The following TMEM108 variants were observed in gnomAD, a reference collection of about 807,000 sequenced individuals.
TMEM108 encodes the protein transmembrane protein 108.
In TMEM108, 12 loss-of-function variants were observed where a neutral mutation model predicts 35.1. The observed-to-expected ratio is 0.34, with a 90% CI of 0.22 to 0.55. The LOEUF (loss-of-function observed/expected upper bound fraction) is 0.55, where lower values mean the gene tolerates loss of function less well. Ranked by LOEUF, TMEM108 falls within the 20% of genes least tolerant of loss-of-function variation. The pLI, the probability that TMEM108 is intolerant of heterozygous loss-of-function variation, is 0.89. For synonymous variants in TMEM108, 287 were observed against 308.6 expected (o/e 0.93, Z 0.73); for missense variants, 680 against 753.3 (o/e 0.90, Z 1.14).
At chr3:133,281,412 G>A (rs1382961848) in intron 3 of TMEM108, among the ~76,000 whole-genome samples, 1 of 152,230 alleles carries the variant, frequency 6.6e-6, no homozygotes, top group Non-Finnish European at 1.5e-5. Context: ...TCAAGAGTAT[G>A]CAGAGTTATA....
At chr3:133,067,297 G>A in intron 2 of TMEM108, among the ~76,000 whole-genome samples, 1 of 152,130 alleles carries the variant, frequency 6.6e-6, no homozygotes, top group Non-Finnish European at 1.5e-5. Flanking sequence ...TTGGCATTGT[G>A]TGGCTTTTTG....
chr3:133,138,484 A>T (rs796454928), intron 2 of TMEM108, among the ~76,000 whole-genome samples: 2 of 152,092 alleles, frequency 1.3e-5, no homozygotes, highest in East Asian at 3.8e-4. Context: ...TTCTTAAAAC[A>T]TTATGAGATT....
chr3:133,220,636 T>C (rs1945976177), intron 2 of TMEM108, among the ~76,000 whole-genome samples: 1 of 152,158 alleles, frequency 6.6e-6, no homozygotes, highest in South Asian at 2.1e-4. Flanking sequence ...TGACACCAAA[T>C]GTGTGAGGGT....
chr3:133,052,597 A>G (rs756077045), intron 2 of TMEM108, among the ~76,000 whole-genome samples: 5 of 149,874 alleles, frequency 3.3e-5, no homozygotes, highest in Non-Finnish European at 7.4e-5. Flanking sequence ...CCTGATCTCA[A>G]TAGGAAAACT....
chr3:133,250,863 C>G (rs1946458767), intron 3 of TMEM108, among the ~76,000 whole-genome samples: 2 of 152,116 alleles, frequency 1.3e-5, no homozygotes, highest in Admixed American at 1.3e-4. Flanking sequence ...CCTTTCAACT[C>G]TAAATTTACT....
At chr3:133,315,992 C>T (rs183971295) in intron 3 of TMEM108, among the ~76,000 whole-genome samples, 17 of 152,280 alleles carry the variant, frequency 1.1e-4, no homozygotes, top group South Asian at 1.0e-3. Context: ...GAACCAGAGA[C>T]GACTTAAAGC....
intron 3 of TMEM108, among the ~76,000 whole-genome samples, chr3:133,262,049 A>T (rs969763735): frequency 6.6e-6 from 1 of 152,202 alleles, no homozygotes; most frequent in East Asian, 1.9e-4. Context: ...CCTGCCCTTC[A>T]TAACTACATT....
intron 3 of TMEM108, among the ~76,000 whole-genome samples, chr3:133,311,480 C>A (rs557956291): frequency 6.6e-6 from 1 of 152,274 alleles, no homozygotes; most frequent in South Asian, 2.1e-4. Flanking sequence ...ATCACTGATA[C>A]CCTTTCTTCC....
At chr3:133,329,374 A>G (rs2107726047) in intron 3 of TMEM108, among the ~76,000 whole-genome samples, 1 of 152,314 alleles carries the variant, frequency 6.6e-6, no homozygotes, top group South Asian at 2.1e-4. Flanking sequence ...TTCCCTATGC[A>G]GGTGACACAT....
chr3:133,333,687 T>C (rs2071432420), intron 3 of TMEM108, among the ~76,000 whole-genome samples: 1 of 152,228 alleles, frequency 6.6e-6, no homozygotes, highest in Admixed American at 6.5e-5. Context: ...CTGTACAATT[T>C]TGTTCAAAAA....
chr3:133,353,953 T>C (rs1158743105), intron 3 of TMEM108, among the ~76,000 whole-genome samples: 1 of 152,220 alleles, frequency 6.6e-6, no homozygotes, highest in Non-Finnish European at 1.5e-5. Flanking sequence ...ATTAGTTTGC[T>C]TGTGTCCATT....
rs1472082021 is a variant in TMEM108 at position 133,309,678 on chromosome 3, GTTTCTTTTTTTTTTTTTTTTT to G, written c.41-70070_41-70050del. ...CGTGTAGTTATGCGGGTTTGAGTGAGTTTCTTTTTTTTTTTTTTTTTTTTTTTTTTTTTTTTTTTTGAGACG... is the reference window on the plus strand; with the variant it reads ...CGTGTAGTTATGCGGGTTTGAGTGAGTTTTTTTTTTTTTTTTTTTGAGACG... On this transcript the variant is annotated intron_variant, in intron 3 of 5. Transcript: ENST00000321871. Among the ~76,000 whole-genome samples, 6 of 110,984 alleles carry G rather than the reference GTTTCTTTTTTTTTTTTTTTTT, an allele frequency of 5.4e-5. No homozygotes were observed. In the East Asian group the frequency reaches 1.5e-3, roughly 28 times the overall value. 72.8% of individuals were successfully genotyped at this position (110,984 alleles called of 152,430 possible).
At chr3:133,116,496 A>G (rs1052114299) in intron 2 of TMEM108, among the ~76,000 whole-genome samples, 1 of 152,164 alleles carries the variant, frequency 6.6e-6, no homozygotes, top group Admixed American at 6.6e-5. Flanking sequence ...TTTTATTTAC[A>G]TAAATAAATG....
intron 3 of TMEM108, among the ~76,000 whole-genome samples, chr3:133,335,553 C>T (rs1010825047): frequency 6.6e-6 from 1 of 152,124 alleles, no homozygotes; most frequent in African/African-American, 2.4e-5. Flanking sequence ...TTGTGAAAAA[C>T]TTAGCATATC....
intron 2 of TMEM108, among the ~76,000 whole-genome samples, chr3:133,170,374 T>C (rs781096588): frequency 3.3e-5 from 5 of 152,238 alleles, no homozygotes; most frequent in Admixed American, 2.0e-4. Context: ...TGAAATTTTC[T>C]AAGATGCTAC....
At chr3:133,238,217 T>C (rs1946266476) in intron 3 of TMEM108, among the ~76,000 whole-genome samples, 1 of 152,200 alleles carries the variant, frequency 6.6e-6, no homozygotes, top group South Asian at 2.1e-4. Context: ...TATTTAGCTC[T>C]GATTATACAT....
chr3:133,302,271 G>A (rs6792361), intron 3 of TMEM108, among the ~76,000 whole-genome samples: 5,176 of 152,244 alleles, frequency 0.034, 300 homozygotes, highest in African/African-American at 0.12. Context: ...GCATGCGTGC[G>A]CGTGCACGGG....
chr3:133,272,826 G>A (rs1946791552), intron 3 of TMEM108, among the ~76,000 whole-genome samples: 2 of 152,132 alleles, frequency 1.3e-5, no homozygotes, highest in African/African-American at 4.8e-5. Flanking sequence ...ATATGGAAAT[G>A]TATGGGACCA....
intron 2 of TMEM108, among the ~76,000 whole-genome samples, chr3:133,210,441 G>T (rs576602983): frequency 6.6e-6 from 1 of 152,266 alleles, no homozygotes. Context: ...GCCATATTGG[G>T]AGCCTTTTAA....
Sources: gnomAD v4.1 joint callset for allele counts (sites outside exome capture counted in the v4.1 genomes callset) on GRCh38, gnomAD v4.1.1 for gene constraint, MANE v1.5 for transcripts, NCBI Gene and HGNC (gene_info 2026-07-23, HGNC 2026-07-21) for gene names.